Variants in CAMK1 observed in about 807,000 individuals in gnomAD.
CAMK1 encodes calcium/calmodulin-dependent protein kinase type 1.
Under a neutral mutation model 49.1 loss-of-function variants are expected in CAMK1, and 39 were observed. The observed-to-expected ratio is 0.79, with a 90% CI of 0.62 to 1.04. The LOEUF is 1.04. Among genes scored for constraint, CAMK1 ranks in the 50% least tolerant of loss-of-function variants. CAMK1 has a pLI of 0.00. For missense variants in CAMK1, 457 were observed against 472.2 expected (o/e 0.97, Z 0.30); for synonymous variants, 192 against 185.2 (o/e 1.04, Z -0.30).
At chr3:9,763,338 T>C (rs2077980101) in intron 3 of CAMK1, 125 bp from the exon 4 acceptor site, 3 of 1,138,656 alleles carry the variant, frequency 2.6e-6, no homozygotes, top group African/African-American at 3.1e-5. Flanking sequence ...AGCTGCAGTC[T>C]GTTATGATTG....
rs751877547 is a variant in CAMK1, at chr3:9,762,987, C to G, written c.356G>C (p.Ser119Thr). ...ATCCAGCACCTGGAAGATGAGGCGG[C>G]TGGCGTCCCGCTCCGTGTAGAAGCC... ...EKGFYTERDA[S>T]RLIFQVLDAV... is the part of the protein sequence containing the mutation. Residue 119 changes from serine (S) to threonine (T), a missense_variant, in exon 5 of 12, where the codon AGC (serine) becomes ACC (threonine). Physicochemically the swap from Ser to Thr is moderately conservative, Grantham distance 58. Coordinates refer to ENST00000256460, the MANE Select transcript of CAMK1 (RefSeq NM_003656.5). The G allele has an allele frequency of 1.2e-5, 20 of 1,614,058 alleles. No individual in the cohort carries two copies. In the South Asian group the frequency reaches 2.2e-4, roughly 18 times the overall value.
intron 1 of CAMK1, among the ~76,000 whole-genome samples, chr3:9,768,171 C>T (rs902952895): frequency 1.3e-5 from 2 of 152,000 alleles, no homozygotes; most frequent in Non-Finnish European, 2.9e-5. Flanking sequence ...GTGATGTCCC[C>T]GCCCCACCCT....
Position 9,762,974 on chromosome 3 carries a change from G to A in CAMK1, c.369C>T (p.Phe123=), listed in dbSNP as rs886733235. The A allele has an allele frequency of 9.9e-6, 16 of 1,614,006 alleles. No individual in the cohort carries two copies. In the African/African-American group the frequency reaches 2.1e-4, roughly 22 times the overall value. The change falls in exon 5 of 12, where the codon TTC becomes TTT. Residue 123 remains phenylalanine, a synonymous_variant. Coordinates refer to ENST00000256460, the MANE Select transcript of CAMK1 (RefSeq NM_003656.5). ...YTERDASRLI[F]QVLDAVKYLH... is the part of the protein sequence containing the mutation. ...GGTATTTCACAGCATCCAGCACCTG[G>A]AAGATGAGGCGGCTGGCGTCCCGCT...
intron 5 of CAMK1, 144 bp downstream of exon 5, chr3:9,762,770 A>T: frequency 1.4e-6 from 1 of 710,640 alleles, no homozygotes. Context: ...GGGAGGAGGC[A>T]GTTTAAAGGT....
chr3:9,765,731 G>A, intron 3 of CAMK1, 28 bp downstream of exon 3: 1 of 1,612,214 alleles, frequency 6.2e-7, no homozygotes, highest in Non-Finnish European at 8.5e-7. Context: ...GGTCAGCTTG[G>A]GGCAGGGAAA....
At chr3:9,759,887 A>C in intron 8 of CAMK1, 137 bp from the exon 9 acceptor site, 3 of 1,445,674 alleles carry the variant, frequency 2.1e-6, no homozygotes, top group Middle Eastern at 1.9e-4. Context: ...CACCCCACCC[A>C]ACCTATGCTC....
rs2077659929 is a variant in CAMK1, at chr3:9,757,876, G to A, written c.913-30C>T. On this transcript the variant is annotated intron_variant, in intron 10 of 11. Coordinates refer to ENST00000256460, the MANE Select transcript of CAMK1 (RefSeq NM_003656.5). The surrounding 1 kb of genome is among the most constrained non-coding windows in gnomAD (Gnocchi z 4.5). ...CATTGAAGGCATTGAAGGGAGAGGG[G>A]AGAAAGGACTTTTGAGAGAGTCAAG... 6.3e-7 allele frequency: 1 copy of A among 1,580,068 alleles called. No individual in the cohort carries two copies. Among genetic ancestry groups the A allele is most frequent in the East Asian group, 2.3e-5 (1 of 44,228 alleles).
intron 1 of CAMK1, 45 bp from the exon 2 acceptor site, chr3:9,767,826 C>T (rs2078197480): frequency 1.3e-6 from 2 of 1,580,622 alleles, no homozygotes; most frequent in Non-Finnish European, 1.7e-6. Context: ...GCCCAGCCCT[C>T]TGTCTGGGAA....
In CAMK1 at chr3:9,765,851, C is replaced by T; in HGVS notation, c.123G>A (p.Arg41=). The T allele has an allele frequency of 6.2e-7, 1 of 1,614,012 alleles. No homozygotes were observed. Among genetic ancestry groups the T allele is most frequent in the Non-Finnish European group, 8.5e-7 (1 of 1,179,980 alleles). The change falls in exon 3 of 12, where the codon AGG becomes AGA. Residue 41 remains arginine (R), a synonymous_variant. Coordinates refer to ENST00000256460, the MANE Select transcript of CAMK1 (RefSeq NM_003656.5). ...ATTTGATGGCCACCAGCTTCTGCGT[C>T]CTCTTATCTTCTGCCAGGATCACCT... is the stretch of plus-strand genomic sequence containing the variant. ...FSEVILAEDK[R]TQKLVAIKCI...
chr3:9,769,389 A>T (rs1222283458), intron 1 of CAMK1, among the ~76,000 whole-genome samples: 3 of 151,838 alleles, frequency 2.0e-5, no homozygotes, highest in African/African-American at 7.3e-5. Flanking sequence ...ACAATTGTAC[A>T]CCCCCTCCTA....
chr3:9,768,286 A>G (rs1023299092), intron 1 of CAMK1, among the ~76,000 whole-genome samples: 5 of 152,106 alleles, frequency 3.3e-5, no homozygotes, highest in Non-Finnish European at 7.4e-5. Flanking sequence ...TCTCAGCCAC[A>G]TTTTTAAATA....
At chr3:9,758,549 C>A (rs2077695585) in intron 10 of CAMK1, 1 of 155,908 alleles carries the variant, frequency 6.4e-6, no homozygotes, top group Non-Finnish European at 1.4e-5. Context: ...CAAACCCTTA[C>A]CATCTCCTGC....
At chr3:9,767,541 G>C (rs1559706091) in intron 2 of CAMK1, 126 bp downstream of exon 2, 1 of 1,218,868 alleles carries the variant, frequency 8.2e-7, no homozygotes, top group East Asian at 2.4e-5. Flanking sequence ...GACAGTTTAG[G>C]CCCTAGATAG....
intron 3 of CAMK1, among the ~76,000 whole-genome samples, chr3:9,764,737 A>C (rs867745653): frequency 6.8e-6 from 1 of 146,148 alleles, no homozygotes; most frequent in African/African-American, 2.5e-5. Context: ...GGTTTAAGCA[A>C]TTCTCCTGCC....
Position 9,769,041 on chromosome 3 carries a change from C to G in CAMK1, c.-33+791G>C, listed in dbSNP as rs1349277347. On this transcript the variant is annotated intron_variant, in intron 1 of 11. Transcript: ENST00000256460. ...GCCCTGAACTCAAACACCTGCCTCC[C>G]AGATCCAGTACGCCTTGTATCCACA... 2.0e-5 allele frequency among the ~76,000 whole-genome samples: 3 copies of G among 152,054 alleles called. No individual in the cohort carries two copies. In the South Asian group the frequency reaches 6.2e-4, roughly 32 times the overall value.
At chr3:9,762,784 A>G (rs2077946573) in intron 5 of CAMK1, 130 bp downstream of exon 5, 3 of 858,804 alleles carry the variant, frequency 3.5e-6, no homozygotes, top group African/African-American at 3.4e-5. Context: ...TAAAGGTTAC[A>G]AGATCCACTT....
intron 1 of CAMK1, 33 bp from the exon 2 acceptor site, chr3:9,767,814 G>A: frequency 6.2e-6 from 10 of 1,602,568 alleles, no homozygotes; most frequent in Non-Finnish European, 8.5e-6. Flanking sequence ...AGACTCAGCA[G>A]AGCCCAGCCC....
At chr3:9,759,896 T>A in intron 8 of CAMK1, 146 bp from the exon 9 acceptor site, 1 of 1,353,846 alleles carries the variant, frequency 7.4e-7, no homozygotes, top group East Asian at 2.4e-5. Flanking sequence ...CAACCTATGC[T>A]CTTCTTCAGG....
rs368983034 is a variant in CAMK1, at chr3:9,757,626, A to G, written c.1031-5T>C. On this transcript the variant is annotated splice_polypyrimidine_tract_variant and splice_region_variant and intron_variant, in intron 11 of 11. Coordinates refer to ENST00000256460, the MANE Select transcript of CAMK1 (RefSeq NM_003656.5). This position sits in a 1 kb window ranked among gnomAD's most constrained non-coding sequence, Gnocchi z 4.5. ...AGCAACAGCCAGCTGCCGGCCCTGC[A>G]TGGGAAGACAGAACAGAGGTGGCCG... The G allele has an allele frequency of 1.6e-4, 255 of 1,614,130 alleles. 1 individual carries two copies. The Admixed American group carries it at 3.6e-3, about 23-fold the overall frequency.
Sources: gnomAD v4.1 joint callset for allele counts (sites outside exome capture counted in the v4.1 genomes callset) on GRCh38, gnomAD v4.1.1 for gene constraint, Gnocchi (gnomAD v3.1) non-coding constraint, MANE v1.5 for transcripts, NCBI Gene and HGNC (gene_info 2026-07-23, HGNC 2026-07-21) for gene names.